Variants in KCNMA1 observed in about 807,000 individuals in gnomAD.
KCNMA1 encodes the protein Calcium-activated potassium channel subunit alpha-1.
Under a neutral mutation model 140.0 loss-of-function variants are expected in KCNMA1, and 29 were observed. The observed-to-expected ratio is 0.21, with a 90% CI of 0.15 to 0.28. The LOEUF (loss-of-function observed/expected upper bound fraction) is 0.28, where lower values mean the gene tolerates loss of function less well. KCNMA1 is among the 10% of genes least tolerant of loss of function. The pLI is 1.00. For synonymous variants in KCNMA1, 612 were observed against 611.9 expected, an observed-to-expected ratio of 1.00 and a Z score of 0.00; for missense variants, 880 against 1,602.2, an observed-to-expected ratio of 0.55 and a Z score of 7.70.
chr10:77,278,416 A>C (rs1355210745), intron 2 of KCNMA1, among the ~76,000 whole-genome samples: 2 of 152,216 alleles, frequency 1.3e-5, no homozygotes, highest in Non-Finnish European at 2.9e-5. Context: ...CTGGGAAGAT[A>C]ATCTATCAAA....
At chr10:77,133,813 G>A (rs781579140) in intron 5 of KCNMA1, among the ~76,000 whole-genome samples, 16 of 152,058 alleles carry the variant, frequency 1.1e-4, no homozygotes, top group Non-Finnish European at 2.2e-4. Context: ...TTTAATAACA[G>A]CCATGAGCAG....
intron 3 of KCNMA1, among the ~76,000 whole-genome samples, chr10:77,236,545 C>G (rs773131979): frequency 6.2e-4 from 95 of 152,184 alleles, no homozygotes; most frequent in Non-Finnish European, 7.1e-4. Context: ...TTAAAGTTCC[C>G]TGGATTACTG....
intron 3 of KCNMA1, among the ~76,000 whole-genome samples, chr10:77,193,692 A>G (rs2039428727): frequency 6.6e-6 from 1 of 152,172 alleles, no homozygotes. Flanking sequence ...GCCTCCCAGC[A>G]CAAATATATG....
At chr10:77,391,386 T>C (rs2095815543) in intron 2 of KCNMA1, among the ~76,000 whole-genome samples, 1 of 152,122 alleles carries the variant, frequency 6.6e-6, no homozygotes, top group Admixed American at 6.5e-5. Context: ...CAAGGCCAAT[T>C]TTACAAACTG....
chr10:77,635,888 A>G, intron 1 of KCNMA1: 1 of 155,982 alleles, frequency 6.4e-6, no homozygotes, highest in Non-Finnish European at 1.4e-5. Flanking sequence ...AGCACCCAAC[A>G]GGATGTATAA....
intron 15 of KCNMA1, among the ~76,000 whole-genome samples, chr10:77,031,646 T>A (rs187300979): frequency 1.3e-5 from 2 of 152,342 alleles, no homozygotes; most frequent in East Asian, 3.9e-4. Flanking sequence ...AATGTCACAA[T>A]CCTGGGCTTA....
At chr10:77,179,110 A>G (rs181815513) in intron 5 of KCNMA1, among the ~76,000 whole-genome samples, 174 of 152,294 alleles carry the variant, frequency 1.1e-3, no homozygotes, top group Non-Finnish European at 1.8e-3. Context: ...GCTCGTATGA[A>G]GTACGTGCTG....
At chr10:77,134,997 C>CAAAAAAGAAA (rs2097962947) in intron 5 of KCNMA1, among the ~76,000 whole-genome samples, 1 of 11,768 alleles carries the variant, frequency 8.5e-5, no homozygotes, top group Non-Finnish European at 1.8e-4. Flanking sequence ...GACTCTGTCT[C>CAAAAAAGAAA]AAAAAAAAAA....
At chr10:77,235,588 T>C (rs763053413) in intron 3 of KCNMA1, among the ~76,000 whole-genome samples, 1 of 152,156 alleles carries the variant, frequency 6.6e-6, no homozygotes, top group Non-Finnish European at 1.5e-5. Context: ...CTGTGCCTCA[T>C]TTTCCCCTTA....
intron 1 of KCNMA1, among the ~76,000 whole-genome samples, chr10:77,607,977 TCATCCTCTTTCCTC>T (rs975795853): frequency 1.1e-4 from 17 of 152,248 alleles, no homozygotes; most frequent in African/African-American, 3.6e-4. Context: ...TAACATATTG[TCATCCTCTTTCCTC>T]CATCCTCTTT....
chr10:77,119,799 T>C, intron 6 of KCNMA1, among the ~76,000 whole-genome samples: 1 of 152,198 alleles, frequency 6.6e-6, no homozygotes, highest in East Asian at 1.9e-4. Context: ...TGCCATTGGA[T>C]TCTCTTTTTC....
At chr10:76,965,280 C>T (rs918549941) in intron 20 of KCNMA1, among the ~76,000 whole-genome samples, 1 of 152,162 alleles carries the variant, frequency 6.6e-6, no homozygotes, top group Non-Finnish European at 1.5e-5. Flanking sequence ...TTACGTGTGT[C>T]CTTGGGAAAA....
chr10:76,895,060 A>G (rs776735330), intron 25 of KCNMA1, among the ~76,000 whole-genome samples: 27 of 152,242 alleles, frequency 1.8e-4, no homozygotes, highest in Non-Finnish European at 3.5e-4. Context: ...TATGTTATCT[A>G]TAGATTACAG....
intron 15 of KCNMA1, among the ~76,000 whole-genome samples, chr10:77,030,997 C>T (rs1711937785): frequency 6.6e-6 from 1 of 152,206 alleles, no homozygotes; most frequent in African/African-American, 2.4e-5. Context: ...GACTCAAGCC[C>T]TTCAAGATTG....
intron 10 of KCNMA1, among the ~76,000 whole-genome samples, chr10:77,087,654 A>G (rs1331775458): frequency 6.6e-6 from 1 of 152,190 alleles, no homozygotes; most frequent in Non-Finnish European, 1.5e-5. Context: ...CTTGGTGCTG[A>G]TCTGTACTGA....
intron 2 of KCNMA1, among the ~76,000 whole-genome samples, chr10:77,299,928 G>A (rs2076156977): frequency 6.6e-6 from 1 of 152,204 alleles, no homozygotes; most frequent in Admixed American, 6.5e-5. Context: ...GCTGTGCTCA[G>A]AAAGGTGAAA....
At chr10:77,197,974 CAG>C (rs2041154310) in intron 3 of KCNMA1, among the ~76,000 whole-genome samples, 1 of 152,246 alleles carries the variant, frequency 6.6e-6, no homozygotes, top group East Asian at 1.9e-4. Flanking sequence ...AGGGGCGAGA[CAG>C]AGGGAAGGTG....
intron 2 of KCNMA1, among the ~76,000 whole-genome samples, chr10:77,351,120 A>G (rs991024484): frequency 4.6e-5 from 7 of 152,256 alleles, no homozygotes; most frequent in Admixed American, 4.6e-4. Flanking sequence ...ATGTAAAGAG[A>G]TACGATTGCT....
chr10:77,007,653 G>GTATATATATATATATA (rs60937323), intron 18 of KCNMA1, among the ~76,000 whole-genome samples: 2,400 of 88,250 alleles, frequency 0.027, 73 homozygotes, highest in East Asian at 0.1. Context: ...TTGTGTGTGT[G>GTATATATATATATATA]TATATATATA....
Sources: gnomAD v4.1 joint callset for allele counts (sites outside exome capture counted in the v4.1 genomes callset) on GRCh38, gnomAD v4.1.1 for gene constraint, MANE v1.5 for transcripts, NCBI Gene and HGNC (gene_info 2026-07-23, HGNC 2026-07-21) for gene names.